The following MDGA2 variants were observed in gnomAD, a reference collection of about 807,000 sequenced individuals.
MDGA2 encodes the protein MAM domain containing glycosylphosphatidylinositol anchor 2, also known as MAM domain-containing glycosylphosphatidylinositol anchor protein 2.
MDGA2 carries 40 observed loss-of-function variants against 117.8 expected under a neutral mutation model. The ratio of observed to expected loss-of-function variants is 0.34; its 90% CI spans 0.26 to 0.44. The LOEUF (loss-of-function observed/expected upper bound fraction) is 0.44, where lower values mean the gene tolerates loss of function less well. Ranked by LOEUF, MDGA2 falls within the 20% of genes least tolerant of loss-of-function variation. The pLI is 1.00. For synonymous variants in MDGA2, 452 were observed against 439.0 expected, an observed-to-expected ratio of 1.03 and a Z score of -0.37; for missense variants, 1,123 against 1,250.6, an observed-to-expected ratio of 0.90 and a Z score of 1.54.
rs1882253677 is a variant in MDGA2 at position 46,876,889 on chromosome 14, A to T, written c.2437+600T>A. Among the ~76,000 whole-genome samples, 4 of 151,616 alleles carry T rather than the reference A, an allele frequency of 2.6e-5. No homozygotes were observed. In the South Asian group the frequency reaches 6.2e-4, roughly 24 times the overall value. On this transcript the variant is annotated intron_variant, in intron 12 of 16. Transcript: ENST00000399232. The stretch of plus-strand genomic sequence containing the variant: ...TTAATATTATTTTCCAGGGAGAGAG[A>T]AGTTTTCATATATGGGAATATTTTT...
At chr14:47,444,475 A>T (rs1297099732) in intron 1 of MDGA2, 1 of 197,168 alleles carries the variant, frequency 5.1e-6, no homozygotes, top group Non-Finnish European at 1.1e-5. Context: ...AGCATCAGCC[A>T]GGACAATCAT....
chr14:47,317,663 AT>A (rs1889848453), intron 1 of MDGA2, among the ~76,000 whole-genome samples: 1 of 152,092 alleles, frequency 6.6e-6, no homozygotes, highest in Non-Finnish European at 1.5e-5. Flanking sequence ...CCTAGGGCTC[AT>A]CCCAATTTGG....
intron 1 of MDGA2, among the ~76,000 whole-genome samples, chr14:47,417,925 G>A (rs1232023050): frequency 1.3e-5 from 2 of 151,958 alleles, no homozygotes; most frequent in African/African-American, 4.8e-5. Flanking sequence ...TATTGCCCAG[G>A]CTGGCCTCAA....
At chr14:47,446,370 G>T (rs1893122416) in intron 1 of MDGA2, among the ~76,000 whole-genome samples, 1 of 152,118 alleles carries the variant, frequency 6.6e-6, no homozygotes, top group Non-Finnish European at 1.5e-5. Context: ...GAATGATTAT[G>T]TGTTTGTGAC....
rs183559921 is a variant in MDGA2 at position 47,536,304 on chromosome 14, C to T, written c.280+138213G>A. 3.0e-4 allele frequency among the ~76,000 whole-genome samples: 45 copies of T among 152,250 alleles called. No homozygotes were observed. The East Asian group carries it at 4.6e-3, about 16-fold the overall frequency. Reference sequence around the variant, plus strand: ...AAACAAACTTAAAGGTATATTTCTCCTCCAGATGGTGGTTGTATATTTATA... The same window carrying T: ...AAACAAACTTAAAGGTATATTTCTCTTCCAGATGGTGGTTGTATATTTATA... On this transcript the variant is annotated intron_variant, in intron 1 of 16. Coordinates refer to ENST00000399232, the MANE Select transcript of MDGA2 (RefSeq NM_001113498.3).
At chr14:47,348,167 ATGTGTGTGTGTGTGTG>A (rs56850503) in intron 1 of MDGA2, among the ~76,000 whole-genome samples, 3 of 143,370 alleles carry the variant, frequency 2.1e-5, no homozygotes, top group Non-Finnish European at 4.5e-5. Context: ...CTCTCTGTAT[ATGTGTGTGTGTGTGTG>A]TGTGTGTGTG....
At chr14:47,526,931 G>A (rs2138723907) in intron 1 of MDGA2, among the ~76,000 whole-genome samples, 1 of 152,298 alleles carries the variant, frequency 6.6e-6, no homozygotes, top group East Asian at 1.9e-4. Flanking sequence ...AGCCCCATCT[G>A]CTTTGAGTTT....
At chr14:47,536,946 C>A (rs1566503959) in intron 1 of MDGA2, among the ~76,000 whole-genome samples, 2 of 152,108 alleles carry the variant, frequency 1.3e-5, no homozygotes, top group Non-Finnish European at 2.9e-5. Context: ...AGCCACATAA[C>A]AAAAGAAGTA....
chr14:47,633,576 T>G (rs945025614), intron 1 of MDGA2, among the ~76,000 whole-genome samples: 2 of 152,162 alleles, frequency 1.3e-5, no homozygotes, highest in African/African-American at 4.8e-5. Context: ...CAAAACTAAG[T>G]GGGCATATAA....
At chr14:47,118,715 T>C (rs1362622014) in intron 5 of MDGA2, among the ~76,000 whole-genome samples, 1 of 152,112 alleles carries the variant, frequency 6.6e-6, no homozygotes, top group Non-Finnish European at 1.5e-5. Context: ...CCATATTATA[T>C]ACGCTTTTTT....
chr14:47,057,760 G>GC (rs1889739752), intron 7 of MDGA2, among the ~76,000 whole-genome samples: 1 of 148,620 alleles, frequency 6.7e-6, no homozygotes, highest in Non-Finnish European at 1.5e-5. Context: ...GCCTTGCCTT[G>GC]CCTTGCTTTT....
chr14:47,080,710 C>T (rs929727746), intron 6 of MDGA2, among the ~76,000 whole-genome samples: 3 of 152,146 alleles, frequency 2.0e-5, no homozygotes, highest in African/African-American at 7.2e-5. Context: ...TATAGTTCCA[C>T]CTCTTTCTAG....
intron 3 of MDGA2, among the ~76,000 whole-genome samples, chr14:47,209,731 T>A (rs578195307): frequency 6.6e-6 from 1 of 152,330 alleles, no homozygotes; most frequent in African/African-American, 2.4e-5. Flanking sequence ...GATAAGCAAG[T>A]ACTCTTCATC....
chr14:47,584,763 T>C (rs914994311), intron 1 of MDGA2, among the ~76,000 whole-genome samples: 7 of 151,840 alleles, frequency 4.6e-5, no homozygotes, highest in Admixed American at 2.6e-4. Context: ...TATAATCCCA[T>C]AGAAGTTCCT....
At chr14:46,999,208 TAA>T (rs35609045) in intron 8 of MDGA2, among the ~76,000 whole-genome samples, 1 of 144,366 alleles carries the variant, frequency 6.9e-6, no homozygotes. Flanking sequence ...TCACAGCAGG[TAA>T]AAAAAAAAGC....
rs141948857 is a variant in MDGA2, at chr14:46,919,292, A to T, written c.2238+720T>A. 5.8e-3 allele frequency among the ~76,000 whole-genome samples: 890 copies of T among 152,330 alleles called. 14 individuals are homozygous for T. Among genetic ancestry groups the T allele is most frequent in the African/African-American group, 0.019 (799 of 41,572 alleles). ...ATACAAGGTTTTGGGAGAGAGCTAA[A>T]AGATTATGTGGTGATCAAATAAATC... On this transcript the variant is annotated intron_variant, in intron 10 of 16. Transcript: ENST00000399232.
intron 9 of MDGA2, among the ~76,000 whole-genome samples, chr14:46,926,310 C>CTT (rs1884329848): frequency 3.3e-5 from 5 of 151,904 alleles, no homozygotes; most frequent in Non-Finnish European, 7.4e-5. Context: ...AAAAGACACA[C>CTT]TTGCAAAGTA....
intron 5 of MDGA2, among the ~76,000 whole-genome samples, chr14:47,109,553 AG>A (rs1468308651): frequency 6.6e-6 from 1 of 152,242 alleles, no homozygotes; most frequent in Non-Finnish European, 1.5e-5. Flanking sequence ...GACAAAGAAT[AG>A]GTGCTCAATA....
intron 9 of MDGA2, among the ~76,000 whole-genome samples, chr14:46,942,067 T>C (rs562990027): frequency 1.8e-4 from 28 of 152,306 alleles, no homozygotes; most frequent in African/African-American, 5.8e-4. Flanking sequence ...ATTGGGTCTT[T>C]CTATATTTTT....
Sources: gnomAD v4.1 joint callset for allele counts (sites outside exome capture counted in the v4.1 genomes callset) on GRCh38, gnomAD v4.1.1 for gene constraint, MANE v1.5 for transcripts, NCBI Gene and HGNC (gene_info 2026-07-23, HGNC 2026-07-21) for gene names.